Variants in ADAMTSL1 observed in about 807,000 individuals in gnomAD.
The protein encoded by ADAMTSL1 is ADAMTS like 1, also known as ADAMTS-like protein 1.
In ADAMTSL1, 126 loss-of-function variants were observed where a neutral mutation model predicts 201.8. The observed-to-expected ratio is 0.62, with a 90% CI of 0.54 to 0.72. ADAMTSL1 has a LOEUF of 0.72. Ranked by LOEUF, ADAMTSL1 falls within the 30% of genes least tolerant of loss-of-function variation. The pLI is 0.00. For missense variants in ADAMTSL1, 2,679 were observed against 2,277.8 expected, an observed-to-expected ratio of 1.18 and a Z score of -3.59; for synonymous variants, 1,121 against 903.4, an observed-to-expected ratio of 1.24 and a Z score of -4.32.
chr9:18,121,305 A>C (rs552196242), intron 1 of ADAMTSL1, among the ~76,000 whole-genome samples: 81 of 152,326 alleles, frequency 5.3e-4, no homozygotes, highest in African/African-American at 1.9e-3. Context: ...AGACATTTGA[A>C]GTACCATGAC....
At chr9:17,945,755 G>A (rs933498830) in intron 1 of ADAMTSL1, among the ~76,000 whole-genome samples, 1 of 141,406 alleles carries the variant, frequency 7.1e-6, no homozygotes, top group Non-Finnish European at 1.5e-5. Context: ...TCATAGGTGG[G>A]AATTGAACAA....
At chr9:18,671,828 G>C (rs568414930) in intron 9 of ADAMTSL1, among the ~76,000 whole-genome samples, 3 of 152,218 alleles carry the variant, frequency 2.0e-5, no homozygotes, top group South Asian at 4.1e-4. Flanking sequence ...ACGAGGGCAG[G>C]AGATCGAGAC....
Position 18,102,893 on chromosome 9 carries a change from G to C in ADAMTSL1, c.88-60969G>C, listed in dbSNP as rs149795395. On this transcript the variant is annotated intron_variant, in intron 1 of 29. Transcript: ENST00000680146. ...GAGCTAGAAGATGATTCTGTGTGGAGGGTCAGTCAGAGAGGGAAAAAAATC... is the reference window on the plus strand; with the variant it reads ...GAGCTAGAAGATGATTCTGTGTGGACGGTCAGTCAGAGAGGGAAAAAAATC... Among the ~76,000 whole-genome samples, 691 of 152,306 alleles carry C rather than the reference G, an allele frequency of 4.5e-3. 5 individuals carry two copies. Among genetic ancestry groups the C allele is most frequent in the African/African-American group, 0.016 (665 of 41,560 alleles).
At chr9:18,785,990 T>C (rs1014501426) in intron 19 of ADAMTSL1, among the ~76,000 whole-genome samples, 3 of 152,192 alleles carry the variant, frequency 2.0e-5, no homozygotes, top group African/African-American at 4.8e-5. Flanking sequence ...CTTAACACTA[T>C]TGAACCAGGA....
chr9:17,951,624 ACT>A (rs896671928), intron 1 of ADAMTSL1, among the ~76,000 whole-genome samples: 1 of 129,288 alleles, frequency 7.7e-6, no homozygotes, highest in African/African-American at 3.0e-5. Flanking sequence ...CATAACCATT[ACT>A]CTTTTTTTTT....
intron 2 of ADAMTSL1, among the ~76,000 whole-genome samples, chr9:18,243,340 T>C (rs1010800067): frequency 2.6e-5 from 4 of 152,160 alleles, no homozygotes; most frequent in African/African-American, 9.6e-5. Flanking sequence ...CTTATGCTCA[T>C]TGATAGATGC....
At chr9:18,179,616 C>A (rs1220622635) in intron 2 of ADAMTSL1, among the ~76,000 whole-genome samples, 1 of 152,154 alleles carries the variant, frequency 6.6e-6, no homozygotes, top group Admixed American at 6.5e-5. Context: ...ATGTTAAGGG[C>A]AGCCAGAGAG....
In ADAMTSL1 at chr9:18,425,859, G is replaced by GAAA. The variant is rs71304881; in HGVS notation, c.208-78953_208-78951dup. ...TAACACAGTAAGATCCCTGTCTCAAGAAAAAAAAAAAAAAAAAAAGACGTG... is the reference window on the plus strand; with the variant it reads ...TAACACAGTAAGATCCCTGTCTCAAGAAAAAAAAAAAAAAAAAAAAAAGACGTG... On this transcript the variant is annotated intron_variant, in intron 2 of 29. Transcript: ENST00000680146. Among the ~76,000 whole-genome samples, 383 of 94,604 alleles carry GAAA rather than the reference G, an allele frequency of 4.0e-3. 7 individuals are homozygous for GAAA. Among genetic ancestry groups the GAAA allele is most frequent in the South Asian group, 0.014 (33 of 2,426 alleles). 62.1% of individuals were successfully genotyped at this position (94,604 alleles called of 152,430 possible). A position where few individuals can be genotyped will look rare whatever the true frequency, so the allele number is the denominator to read the frequency against.
chr9:18,056,221 G>C (rs584721), intron 1 of ADAMTSL1, among the ~76,000 whole-genome samples: 6,871 of 152,028 alleles, frequency 0.045, 452 homozygotes, highest in African/African-American at 0.14. Flanking sequence ...TTCTTATTTT[G>C]GAAGAAAGAG....
intron 1 of ADAMTSL1, among the ~76,000 whole-genome samples, chr9:18,012,849 A>T (rs1322298129): frequency 1.3e-5 from 2 of 151,962 alleles, no homozygotes; most frequent in African/African-American, 2.4e-5. Context: ...ATAAAGAGTG[A>T]TGGGAAACTT....
Position 18,178,742 on chromosome 9 carries a change from G to T in ADAMTSL1, c.207+14761G>T, listed in dbSNP as rs533024502. 3.4e-4 allele frequency among the ~76,000 whole-genome samples: 52 copies of T among 152,192 alleles called. 1 individual carries two copies. In the South Asian group the frequency reaches 0.011, roughly 31 times the overall value. ...CCCCTGACCCCCGAGCAGCCTAACT[G>T]GGAGGCACCCCCAAGCAGGGGCAGA... On this transcript the variant is annotated intron_variant, in intron 2 of 29. Coordinates refer to the ADAMTSL1 transcript ENST00000680146.
Position 18,639,274 on chromosome 9 carries a change from C to A in ADAMTSL1, c.697C>A (p.Gln233Lys), listed in dbSNP as rs1274195456. Residue 233 changes from glutamine to lysine, a missense_variant, in exon 7 of 29, where the codon CAG (glutamine) becomes AAG (lysine). Transcript: ENST00000380548. The stretch of plus-strand genomic sequence containing the variant: ...TATAGATCTGGAAACCAAAACCCTC[C>A]AGGGGACTAAAGGTGAAAACAGTCT... ...DHLYLETKTLQGTKGENSLSS... is the reference protein window; with the variant it reads ...DHLYLETKTLKGTKGENSLSS... The A allele has an allele frequency of 3.1e-6, 5 of 1,612,714 alleles. No homozygotes were observed. The African/African-American group carries it at 6.7e-5, about 22-fold the overall frequency.
intron 1 of ADAMTSL1, among the ~76,000 whole-genome samples, chr9:18,148,092 C>T (rs1929262): frequency 0.28 from 42,992 of 151,810 alleles, 6,254 homozygotes; most frequent in Admixed American, 0.38. Context: ...TCTGCTTCAT[C>T]GATGTAAAGA....
chr9:18,893,484 A>T (rs1290820134), intron 26 of ADAMTSL1, among the ~76,000 whole-genome samples: 1 of 152,188 alleles, frequency 6.6e-6, no homozygotes, highest in Non-Finnish European at 1.5e-5. Flanking sequence ...CCAGGCCAGT[A>T]CGTGTCGAGC....
intron 2 of ADAMTSL1, among the ~76,000 whole-genome samples, chr9:18,348,033 T>C (rs1448491375): frequency 1.3e-5 from 2 of 152,176 alleles, no homozygotes; most frequent in African/African-American, 4.8e-5. Flanking sequence ...ACTTGAAAAG[T>C]TGAGTTCTGG....
chr9:18,617,637 C>T (rs988538168), intron 4 of ADAMTSL1, among the ~76,000 whole-genome samples: 1 of 152,000 alleles, frequency 6.6e-6, no homozygotes, highest in Admixed American at 6.6e-5. Flanking sequence ...TATCTTTGTA[C>T]ACATATATGT....
intron 7 of ADAMTSL1, among the ~76,000 whole-genome samples, chr9:18,650,385 C>A (rs566650268): frequency 6.6e-6 from 1 of 152,008 alleles, no homozygotes; most frequent in Non-Finnish European, 1.5e-5. Flanking sequence ...TCGTGCACAG[C>A]GCGCTGCACC....
At chr9:18,369,834 G>C (rs1191707096) in intron 2 of ADAMTSL1, among the ~76,000 whole-genome samples, 8 of 152,170 alleles carry the variant, frequency 5.3e-5, no homozygotes, top group Non-Finnish European at 1.0e-4. Flanking sequence ...GAATGAAACT[G>C]TCTTTTGCAG....
intron 2 of ADAMTSL1, among the ~76,000 whole-genome samples, chr9:18,309,534 C>T (rs1320125395): frequency 6.6e-6 from 1 of 152,086 alleles, no homozygotes; most frequent in Non-Finnish European, 1.5e-5. Flanking sequence ...CATTCCCATA[C>T]AGCAATAATA....
Sources: allele counts gnomAD v4.1 joint callset (sites outside exome capture counted in the v4.1 genomes callset), GRCh38; gene constraint gnomAD v4.1.1; transcripts MANE v1.5; gene names NCBI Gene and HGNC (gene_info 2026-07-23, HGNC 2026-07-21).